The following FOXN3 variants were observed in gnomAD, a reference collection of about 807,000 sequenced individuals.
FOXN3 encodes the protein forkhead box N3.
Under a neutral mutation model 38.4 loss-of-function variants are expected in FOXN3, and 7 were observed. That is an observed-to-expected ratio of 0.18 (90% confidence interval 0.10 to 0.34). The LOEUF is 0.34. Among genes scored for constraint, FOXN3 ranks in the 10% least tolerant of loss-of-function variants. FOXN3 has a pLI of 1.00. For missense variants in FOXN3, 456 were observed against 613.4 expected (o/e 0.74, Z 2.71); for synonymous variants, 230 against 242.2 (o/e 0.95, Z 0.47).
intron 2 of FOXN3, among the ~76,000 whole-genome samples, chr14:89,360,563 G>GGAGAGAGA (rs59817818): frequency 4.3e-5 from 6 of 139,912 alleles, no homozygotes; most frequent in East Asian, 4.3e-4. Flanking sequence ...AAGGAGGTGA[G>GGAGAGAGA]GAGAGAGAGA....
intron 2 of FOXN3, chr14:89,356,630 G>A (rs61984662): frequency 2.0e-5 from 3 of 152,192 alleles, no homozygotes; most frequent in South Asian, 2.1e-4. Context: ...TGATGTTTCT[G>A]ACACACCATT....
At chr14:89,300,952 A>G (rs1428038433) in intron 3 of FOXN3, among the ~76,000 whole-genome samples, 1 of 150,546 alleles carries the variant, frequency 6.6e-6, no homozygotes, top group South Asian at 2.1e-4. Flanking sequence ...GCCTGTCCCC[A>G]TGCCCGGCTA....
intron 4 of FOXN3, among the ~76,000 whole-genome samples, chr14:89,206,659 T>C (rs1205353096): frequency 6.6e-6 from 1 of 152,094 alleles, no homozygotes; most frequent in Non-Finnish European, 1.5e-5. Context: ...GAAAACCATA[T>C]TTCATCTTTC....
intron 3 of FOXN3, among the ~76,000 whole-genome samples, chr14:89,315,059 A>G (rs538957830): frequency 6.6e-6 from 1 of 152,056 alleles, no homozygotes; most frequent in South Asian, 2.1e-4. Flanking sequence ...CACTTGATAG[A>G]TGTTCTTTGA....
intron 1 of FOXN3, among the ~76,000 whole-genome samples, chr14:89,569,671 AAT>A (rs1419709671): frequency 2.0e-5 from 3 of 152,376 alleles, no homozygotes; most frequent in African/African-American, 7.2e-5. Context: ...AATGGAGAAT[AAT>A]AGTTAAAATG....
At chr14:89,219,854 G>GC (rs1884407105) in intron 4 of FOXN3, among the ~76,000 whole-genome samples, 1 of 152,162 alleles carries the variant, frequency 6.6e-6, no homozygotes, top group Admixed American at 6.5e-5. Context: ...ATCCAGCAGC[G>GC]CCCCTGAGAT....
In FOXN3 at chr14:89,406,629, A is replaced by C. The variant is rs1401187989; in HGVS notation, c.543+5305T>G. Among the ~76,000 whole-genome samples the C allele has an allele frequency of 4.6e-5, 7 of 152,340 alleles. No individual in the cohort carries two copies. In the East Asian group the frequency reaches 1.3e-3, roughly 29 times the overall value. The stretch of plus-strand genomic sequence containing the variant: ...AAGAAATCAGATACTGCATATGGAA[A>C]GCACAAAGCAAGCATGCCTATATTT... On this transcript the variant is annotated intron_variant, in intron 2 of 5. Transcript: ENST00000557258.
intron 4 of FOXN3, among the ~76,000 whole-genome samples, chr14:89,245,889 C>T (rs1445231750): frequency 1.3e-5 from 2 of 152,136 alleles, no homozygotes; most frequent in Non-Finnish European, 2.9e-5. Flanking sequence ...AGACCCCAAC[C>T]CGCAGCCCTG....
intron 4 of FOXN3, among the ~76,000 whole-genome samples, chr14:89,244,798 C>T (rs1235392083): frequency 6.6e-6 from 1 of 152,172 alleles, no homozygotes; most frequent in Non-Finnish European, 1.5e-5. Flanking sequence ...GGCTACAGCA[C>T]GATGATAAAA....
intron 4 of FOXN3, among the ~76,000 whole-genome samples, chr14:89,247,620 G>A (rs959146847): frequency 6.6e-6 from 1 of 152,092 alleles, no homozygotes; most frequent in Admixed American, 6.5e-5. Context: ...CCATAGTCTC[G>A]GTCAAATCAT....
intron 1 of FOXN3, among the ~76,000 whole-genome samples, chr14:89,473,003 G>A (rs2139748163): frequency 6.6e-6 from 1 of 152,156 alleles, no homozygotes; most frequent in African/African-American, 2.4e-5. Context: ...ACCAATGGAG[G>A]AGAAGGTGAT....
At chr14:89,510,865 C>T (rs904008317) in intron 1 of FOXN3, among the ~76,000 whole-genome samples, 10 of 152,256 alleles carry the variant, frequency 6.6e-5, no homozygotes, top group Non-Finnish European at 1.3e-4. Flanking sequence ...ATCACTTGAA[C>T]CCGGGAGGCG....
chr14:89,611,176 T>C (rs138937413), intron 1 of FOXN3, among the ~76,000 whole-genome samples: 2 of 152,352 alleles, frequency 1.3e-5, no homozygotes, highest in African/African-American at 4.8e-5. Flanking sequence ...ACTTCGTCTC[T>C]GTAGACTTTA....
intron 1 of FOXN3, among the ~76,000 whole-genome samples, chr14:89,522,853 C>T (rs1894350717): frequency 6.6e-6 from 1 of 150,828 alleles, no homozygotes; most frequent in Non-Finnish European, 1.5e-5. Flanking sequence ...TCAGTTTAAA[C>T]CCAATCAAAT....
intron 2 of FOXN3, among the ~76,000 whole-genome samples, chr14:89,368,196 G>A (rs1890212134): frequency 6.6e-6 from 1 of 151,926 alleles, no homozygotes; most frequent in Non-Finnish European, 1.5e-5. Flanking sequence ...CAGGCATGGT[G>A]GCACATGCCT....
At chr14:89,460,797 G>A (rs1379123040) in intron 1 of FOXN3, among the ~76,000 whole-genome samples, 4 of 152,006 alleles carry the variant, frequency 2.6e-5, no homozygotes, top group African/African-American at 9.7e-5. Context: ...TTGGGAGGCC[G>A]AGGCGGGCAG....
intron 4 of FOXN3, among the ~76,000 whole-genome samples, chr14:89,244,846 T>A (rs1373140984): frequency 6.6e-6 from 1 of 152,184 alleles, no homozygotes; most frequent in Non-Finnish European, 1.5e-5. Context: ...TCATCAAATT[T>A]TCTTTTTGCA....
intron 4 of FOXN3, among the ~76,000 whole-genome samples, chr14:89,222,318 C>A (rs1884493254): frequency 6.6e-6 from 1 of 152,172 alleles, no homozygotes; most frequent in African/African-American, 2.4e-5. Context: ...GTTGCCTGGT[C>A]CCCCAAGACA....
chr14:89,539,259 T>A (rs985056443), intron 1 of FOXN3, among the ~76,000 whole-genome samples: 1 of 152,232 alleles, frequency 6.6e-6, no homozygotes, highest in Non-Finnish European at 1.5e-5. Context: ...AAAAAGGTTA[T>A]GTAGTCAAAT....
Sources: allele counts gnomAD v4.1 joint callset (sites outside exome capture counted in the v4.1 genomes callset), GRCh38; gene constraint gnomAD v4.1.1; transcripts MANE v1.5; gene names NCBI Gene and HGNC (gene_info 2026-07-23, HGNC 2026-07-21).